RAD51B: variants seen among roughly 807,000 people sequenced by gnomAD.
RAD51B encodes the protein RAD51 paralog B.
In RAD51B, 38 loss-of-function variants were observed where a neutral mutation model predicts 42.2. That is an observed-to-expected ratio of 0.90 (90% CI 0.70 to 1.18). The LOEUF (loss-of-function observed/expected upper bound fraction) is 1.18, where lower values mean the gene tolerates loss of function less well. RAD51B is among the 50% of genes most tolerant of loss of function. The probability of loss-of-function intolerance (pLI) is 0.00; values close to 1 mark genes in which losing one functional copy is unlikely to be tolerated. For synonymous variants in RAD51B, 154 were observed against 145.2 expected (o/e 1.06, Z -0.43); for missense variants, 373 against 400.7 (o/e 0.93, Z 0.59).
chr14:68,296,740 G>T (rs1198750675), intron 8 of RAD51B, among the ~76,000 whole-genome samples: 1 of 152,180 alleles, frequency 6.6e-6, no homozygotes, highest in East Asian at 1.9e-4. Flanking sequence ...TCATTATGGT[G>T]ACATGGCCCA....
In RAD51B at chr14:68,667,009, G is replaced by A. The variant is rs116966916; in HGVS notation, c.*11+16153G>A. ...CTGATGACAGCAATCCTGAAGTCAC[G>A]TGTTTCAGGTGACATAACCACTGAG... On this transcript the variant is annotated intron_variant, in intron 11 of 11. Transcript: ENST00000488612. 8.6e-3 allele frequency among the ~76,000 whole-genome samples: 1,312 copies of A among 152,288 alleles called. 9 individuals are homozygous for A. The highest frequency in any genetic ancestry group is 0.014 in the Non-Finnish European group (939 of 68,024).
intron 7 of RAD51B, among the ~76,000 whole-genome samples, chr14:68,131,745 G>A (rs995742661): frequency 1.3e-5 from 2 of 152,014 alleles, no homozygotes; most frequent in Admixed American, 6.6e-5. Context: ...ATCGCTCTCT[G>A]TTCTGGTCAG....
intron 10 of RAD51B, chr14:68,541,649 A>G (rs1185602139): frequency 5.1e-6 from 5 of 985,478 alleles, no homozygotes; most frequent in Non-Finnish European, 6.0e-6. Context: ...CTGTATTGTC[A>G]GTGCAATCCT....
In RAD51B at chr14:68,092,650, G is replaced by A. The variant is rs531326459; in HGVS notation, c.757-199234G>A. On this transcript the variant is annotated intron_variant, in intron 7 of 10. Coordinates refer to ENST00000471583, the MANE Select transcript of RAD51B (RefSeq NM_133510.4). The stretch of plus-strand genomic sequence containing the variant: ...TACAATCATGTCATCTGCAAACAGG[G>A]ACAATTTGACTTCCCCTTTTCCTAA... 3.9e-5 allele frequency among the ~76,000 whole-genome samples: 6 copies of A among 152,266 alleles called. No individual in the cohort carries two copies. The South Asian group carries it at 1.2e-3, about 32-fold the overall frequency.
intron 7 of RAD51B, among the ~76,000 whole-genome samples, chr14:67,937,033 T>C (rs1030857505): frequency 6.6e-6 from 1 of 152,216 alleles, no homozygotes; most frequent in Admixed American, 6.5e-5. Flanking sequence ...TTTTACTTTC[T>C]TGATGGTCTT....
downstream of RAD51B, among the ~76,000 whole-genome samples, chr14:68,482,377 G>A (rs1883264206): frequency 6.6e-6 from 1 of 152,106 alleles, no homozygotes; most frequent in Admixed American, 6.5e-5. Context: ...TGTCTTTTAG[G>A]TTGTGTGTTG....
chr14:68,669,420 G>A (rs1893105375), intron 11 of RAD51B, among the ~76,000 whole-genome samples: 1 of 152,190 alleles, frequency 6.6e-6, no homozygotes, highest in Non-Finnish European at 1.5e-5. Flanking sequence ...CCCTGGACTG[G>A]CCAAACCAGC....
chr14:68,065,348 G>A (rs1377666756), intron 7 of RAD51B, among the ~76,000 whole-genome samples: 1 of 152,140 alleles, frequency 6.6e-6, no homozygotes, highest in African/African-American at 2.4e-5. Flanking sequence ...AATGCTCCAG[G>A]GAAGTGTGGG....
intron 7 of RAD51B, among the ~76,000 whole-genome samples, chr14:68,071,414 T>C (rs2076738119): frequency 6.6e-6 from 1 of 152,140 alleles, no homozygotes; most frequent in African/African-American, 2.4e-5. Flanking sequence ...TTGTAAATGG[T>C]GCTTCTTATT....
chr14:68,247,792 A>T (rs1039257717), intron 7 of RAD51B, among the ~76,000 whole-genome samples: 5 of 152,240 alleles, frequency 3.3e-5, no homozygotes, highest in African/African-American at 1.2e-4. Flanking sequence ...CACTTATTTA[A>T]GAATGATCAC....
chr14:68,614,947 A>C (rs1891795109), downstream of RAD51B, among the ~76,000 whole-genome samples: 2 of 152,186 alleles, frequency 1.3e-5, no homozygotes, highest in Non-Finnish European at 2.9e-5. Flanking sequence ...ATCTCAGCTC[A>C]CTGCAACCTC....
chr14:68,496,379 G>A (rs571507397), intron 10 of RAD51B, among the ~76,000 whole-genome samples: 1 of 152,252 alleles, frequency 6.6e-6, no homozygotes, highest in Non-Finnish European at 1.5e-5. Flanking sequence ...CCCCAGATAT[G>A]CCACCTGTGT....
intron 11 of RAD51B, among the ~76,000 whole-genome samples, chr14:68,667,241 C>T (rs1381409157): frequency 6.6e-6 from 1 of 152,206 alleles, no homozygotes; most frequent in Non-Finnish European, 1.5e-5. Flanking sequence ...ATGCTTCAGC[C>T]TTGAGTCCAA....
chr14:67,910,925 C>G (rs1348303174), intron 7 of RAD51B, among the ~76,000 whole-genome samples: 1 of 151,890 alleles, frequency 6.6e-6, no homozygotes. Flanking sequence ...ATTTCTCTTG[C>G]CTCAGCCTCC....
intron 7 of RAD51B, among the ~76,000 whole-genome samples, chr14:67,895,668 A>G (rs1266507444): frequency 1.3e-5 from 2 of 152,146 alleles, no homozygotes; most frequent in Non-Finnish European, 2.9e-5. Flanking sequence ...ATGGCACATA[A>G]TATATGCTCT....
chr14:68,244,190 T>C (rs1026114304), intron 7 of RAD51B, among the ~76,000 whole-genome samples: 1 of 152,188 alleles, frequency 6.6e-6, no homozygotes, highest in African/African-American at 2.4e-5. Flanking sequence ...TAAGATATAT[T>C]TGACCTTAGG....
chr14:68,598,565 G>C (rs771866364), downstream of RAD51B, among the ~76,000 whole-genome samples: 1 of 152,188 alleles, frequency 6.6e-6, no homozygotes, highest in Non-Finnish European at 1.5e-5. Context: ...AGCATTCCTC[G>C]GTCTGGGGTA....
At chr14:68,320,372 A>G (rs998560829) in intron 8 of RAD51B, among the ~76,000 whole-genome samples, 11 of 152,240 alleles carry the variant, frequency 7.2e-5, no homozygotes, top group Non-Finnish European at 1.5e-4. Flanking sequence ...TGTAGTATTA[A>G]ATTTGACATA....
chr14:68,655,884 C>G (rs1168561275), intron 11 of RAD51B, among the ~76,000 whole-genome samples: 1 of 152,222 alleles, frequency 6.6e-6, no homozygotes, highest in Non-Finnish European at 1.5e-5. Context: ...AATTTCCCAG[C>G]CTCTACCATC....
Sources: allele counts gnomAD v4.1 joint callset (sites outside exome capture counted in the v4.1 genomes callset), GRCh38; gene constraint gnomAD v4.1.1; transcripts MANE v1.5; gene names NCBI Gene and HGNC (gene_info 2026-07-23, HGNC 2026-07-21).